The following SH2B3 variants were observed in gnomAD, a reference collection of about 807,000 sequenced individuals.
SH2B3 encodes the protein SH2B adapter protein 3.
SH2B3 carries 43 observed loss-of-function variants against 51.9 expected under a neutral mutation model. The ratio of observed to expected loss-of-function variants is 0.83; its 90% CI spans 0.65 to 1.07. The LOEUF (loss-of-function observed/expected upper bound fraction) is 1.07, where lower values mean the gene tolerates loss of function less well. Ranked by LOEUF, SH2B3 falls within the 50% of genes least tolerant of loss-of-function variation. The pLI, the probability that SH2B3 is intolerant of heterozygous loss-of-function variation, is 0.00. For synonymous variants in SH2B3, 396 were observed against 376.0 expected, an observed-to-expected ratio of 1.05 and a Z score of -0.62; for missense variants, 952 against 834.3, an observed-to-expected ratio of 1.14 and a Z score of -1.74.
intron 2 of SH2B3, among the ~76,000 whole-genome samples, chr12:111,430,192 C>T (rs764845482): frequency 1.3e-5 from 2 of 152,136 alleles, no homozygotes; most frequent in African/African-American, 2.4e-5. Flanking sequence ...ATGGGGAAGG[C>T]GGAGGGGGTT....
At chr12:111,405,261 T>C (rs1870163282), upstream of SH2B3, among the ~76,000 whole-genome samples, 1 of 152,092 alleles carries the variant, frequency 6.6e-6, no homozygotes, top group Non-Finnish European at 1.5e-5. This position sits in a 1 kb window ranked among gnomAD's most constrained non-coding sequence, Gnocchi z 5.4. Flanking sequence ...GGCTGGGCTA[T>C]ACGGGCACCG....
chr12:111,422,575 T>C (rs113507458), intron 2 of SH2B3, among the ~76,000 whole-genome samples: 14,788 of 151,040 alleles, frequency 0.098, 2,386 homozygotes, highest in African/African-American at 0.34. Flanking sequence ...TTTTTTTTTT[T>C]CTTGAGATGG....
chr12:111,434,742 A>C (rs1370716435), intron 2 of SH2B3: 23 of 1,417,818 alleles, frequency 1.6e-5, no homozygotes, highest in Non-Finnish European at 1.8e-5. Context: ...TAATTATTTA[A>C]TCCAGCTGGC....
At chr12:111,414,224 C>T (rs548921207) in intron 1 of SH2B3, among the ~76,000 whole-genome samples, 1 of 152,230 alleles carries the variant, frequency 6.6e-6, no homozygotes, top group South Asian at 2.1e-4. Flanking sequence ...ATCTGCCTGA[C>T]AGCTTTTAGT....
intron 2 of SH2B3, among the ~76,000 whole-genome samples, chr12:111,423,192 C>T (rs1002063903): frequency 6.6e-5 from 10 of 152,132 alleles, no homozygotes; most frequent in South Asian, 2.1e-4. Flanking sequence ...ACACTGGGAA[C>T]GGGAGGACTT....
In SH2B3 at chr12:111,450,050, A is replaced by C. The variant is rs1164000760; in HGVS notation, c.*1748A>C. ...CAAGCGATTCTGCCTCGACCTCTCA[A>C]GTAGCTGGGATTACAAGCACCAGCC... On this transcript the variant is annotated 3_prime_UTR_variant, in exon 8 of 8. Transcript: ENST00000341259. 1 of 152,172 alleles carries C rather than the reference A, an allele frequency of 6.6e-6. No homozygotes were observed. The highest frequency in any genetic ancestry group is 2.1e-4 in the South Asian group (1 of 4,824). The allele number at this position is 152,172 out of a possible 1,614,324, so 9.4% of individuals were successfully genotyped here.
chr12:111,414,245 T>C (rs1870914514), intron 1 of SH2B3, among the ~76,000 whole-genome samples: 1 of 152,218 alleles, frequency 6.6e-6, no homozygotes, highest in Non-Finnish European at 1.5e-5. Flanking sequence ...GACTACTTAC[T>C]GTGTGCAAAG....
rs7972796 is a variant in SH2B3 at position 111,418,689 on chromosome 12, T to C, written c.544T>C (p.Phe182Leu). The C allele has an allele frequency of 0.019, 28,321 of 1,489,174 alleles. 4,489 individuals are homozygous for C. The African/African-American group carries it at 0.36, about 19-fold the overall frequency. The allele number at this position is 1,489,174 out of a possible 1,614,324, so 92.2% of individuals were successfully genotyped here. Residue 182 changes from phenylalanine to leucine, a missense_variant, in exon 2 of 8, where the codon TTC (phenylalanine) becomes CTC (leucine). Phe to Leu is a conservative substitution (Grantham distance 22). Transcript: ENST00000341259. This position sits in a 1 kb window ranked among gnomAD's most constrained non-coding sequence, Gnocchi z 6.7. Reference protein sequence around the residue: ...TPARPGLAKKFLPWSLAREPP... With the variant: ...TPARPGLAKKLLPWSLAREPP... ...CGCCCGGCCTGGCCTGGCCAAGAAG[T>C]TCCTGCCCTGGAGCCTGGCCCGGGA...
chr12:111,442,901 C>G (rs1873571445), intron 2 of SH2B3, among the ~76,000 whole-genome samples: 1 of 152,220 alleles, frequency 6.6e-6, no homozygotes, highest in African/African-American at 2.4e-5. Flanking sequence ...ACTTGCCTGT[C>G]TCTGCTGGAT....
chr12:111,404,738 CAGAG>C (rs1345905687), upstream of SH2B3, among the ~76,000 whole-genome samples: 1 of 152,208 alleles, frequency 6.6e-6, no homozygotes, highest in Non-Finnish European at 1.5e-5. Context: ...TTGTTTAACA[CAGAG>C]AGCTTCCTGG....
chr12:111,431,084 G>A (rs953254441), intron 2 of SH2B3, among the ~76,000 whole-genome samples: 2 of 152,180 alleles, frequency 1.3e-5, no homozygotes, highest in Non-Finnish European at 2.9e-5. Context: ...TCCTTTCTGG[G>A]GCCCCATACC....
At position 111,435,730 on chromosome 12, in the gene SH2B3, C is replaced by G. The variant is rs1319770046; in HGVS notation, c.733-11023C>G. ...CCCTTCTGTCTGGAGGCCAGCACAG[C>G]CTGGCACTCGTGGTTTGGGGCGTCC... is the stretch of plus-strand genomic sequence containing the variant. On this transcript the variant is annotated intron_variant, in intron 2 of 7. Coordinates refer to ENST00000341259, the MANE Select transcript of SH2B3 (RefSeq NM_005475.3). This position sits in a 1 kb window ranked among gnomAD's most constrained non-coding sequence, Gnocchi z 4.8. 6.6e-6 allele frequency among the ~76,000 whole-genome samples: 1 copy of G among 152,198 alleles called. No individual in the cohort carries two copies. The highest frequency in any genetic ancestry group is 1.5e-5 in the Non-Finnish European group (1 of 68,042).
chr12:111,432,527 C>T (rs1401554585), intron 2 of SH2B3, among the ~76,000 whole-genome samples: 1 of 152,160 alleles, frequency 6.6e-6, no homozygotes, highest in African/African-American at 2.4e-5. Context: ...AATTTACAAA[C>T]CATAAAATTC....
At chr12:111,432,465 C>T (rs1405663444) in intron 2 of SH2B3, among the ~76,000 whole-genome samples, 1 of 152,140 alleles carries the variant, frequency 6.6e-6, no homozygotes, top group African/African-American at 2.4e-5. Flanking sequence ...TGGGTCAAGG[C>T]TTTTATGAGC....
intron 2 of SH2B3, among the ~76,000 whole-genome samples, chr12:111,423,262 C>T (rs139668945): frequency 1.4e-3 from 211 of 152,270 alleles, no homozygotes; most frequent in African/African-American, 4.3e-3. Flanking sequence ...AGATAAAAAA[C>T]GGTTTTCTCA....
rs754267662 is a variant in SH2B3 at position 111,447,302 on chromosome 12, G to A, written c.1022-28G>A. ...CCCAGGACATAAGGTAGCCCCCTGC[G>A]ACCACCATCACCCATCTTATCTAAC... is the stretch of plus-strand genomic sequence containing the variant. On this transcript the variant is annotated intron_variant, in intron 5 of 7. Coordinates refer to ENST00000341259, the MANE Select transcript of SH2B3 (RefSeq NM_005475.3). 6.2e-6 allele frequency: 10 copies of A among 1,601,306 alleles called. No individual in the cohort carries two copies. The Admixed American group carries it at 1.0e-4, about 16-fold the overall frequency.
intron 2 of SH2B3, among the ~76,000 whole-genome samples, chr12:111,442,889 C>G (rs958196409): frequency 6.6e-6 from 1 of 152,194 alleles, no homozygotes; most frequent in African/African-American, 2.4e-5. Flanking sequence ...TGCCCTGCCC[C>G]GACTTGCCTG....
At position 111,418,519 on chromosome 12, in the gene SH2B3, C is replaced by T; in HGVS notation, c.374C>T (p.Ala125Val). Residue 125 changes from alanine to valine, a missense_variant, in exon 2 of 8, where the codon GCC (alanine) becomes GTC (valine). Physicochemically the swap from Ala to Val is moderately conservative, Grantham distance 64 (BLOSUM62 0). Coordinates refer to ENST00000341259, the MANE Select transcript of SH2B3 (RefSeq NM_005475.3). The surrounding 1 kb of genome is among the most constrained non-coding windows in gnomAD (Gnocchi z 6.7). ...AAGGCCCGCAGCTCTGAGGAGCTGGCCCCGCCGCGGCCGCCCGGGCCCTGC... is the reference window on the plus strand; with the variant it reads ...AAGGCCCGCAGCTCTGAGGAGCTGGTCCCGCCGCGGCCGCCCGGGCCCTGC... ...LPKARSSEEL[A>V]PPRPPGPCSF... 5 of 1,388,588 alleles carry T rather than the reference C, an allele frequency of 3.6e-6. No homozygotes were observed. The highest frequency in any genetic ancestry group is 1.4e-5 in the South Asian group (1 of 69,972). 86.0% of individuals were successfully genotyped at this position (1,388,588 alleles called of 1,614,324 possible).
At chr12:111,423,673 G>C (rs1350990263) in intron 2 of SH2B3, among the ~76,000 whole-genome samples, 1 of 152,102 alleles carries the variant, frequency 6.6e-6, no homozygotes, top group Middle Eastern at 3.2e-3. Context: ...CCCGTCCAGG[G>C]TTCTTAACTT....
Sources: allele counts gnomAD v4.1 joint callset (sites outside exome capture counted in the v4.1 genomes callset), GRCh38; gene constraint gnomAD v4.1.1; non-coding constraint Gnocchi (gnomAD v3.1); transcripts MANE v1.5; gene names NCBI Gene and HGNC (gene_info 2026-07-23, HGNC 2026-07-21).